ARHGAP42: variants seen among roughly 807,000 people sequenced by gnomAD.
ARHGAP42 encodes Rho GTPase activating protein 42.
ARHGAP42 carries 63 observed loss-of-function variants against 125.0 expected under a neutral mutation model. The ratio of observed to expected loss-of-function variants is 0.50; its 90% CI spans 0.41 to 0.62. The LOEUF is 0.62. ARHGAP42 is among the 20% of genes least tolerant of loss of function. The pLI is 0.00. For synonymous variants in ARHGAP42, 339 were observed against 351.0 expected, an observed-to-expected ratio of 0.97 and a Z score of 0.38; for missense variants, 766 against 1,024.2, an observed-to-expected ratio of 0.75 and a Z score of 3.44.
chr11:100,853,812 CT>C (rs1229963215), intron 3 of ARHGAP42, among the ~76,000 whole-genome samples: 1 of 151,968 alleles, frequency 6.6e-6, no homozygotes, highest in African/African-American at 2.4e-5. Flanking sequence ...CATTTTACCC[CT>C]ATTAACTGCT....
intron 4 of ARHGAP42, among the ~76,000 whole-genome samples, chr11:100,874,932 A>G (rs1865775324): frequency 6.6e-6 from 1 of 152,118 alleles, no homozygotes; most frequent in Non-Finnish European, 1.5e-5. Flanking sequence ...CAGGACTCAG[A>G]TGACTCTGTT....
chr11:100,732,674 G>A (rs1384879920), intron 1 of ARHGAP42, among the ~76,000 whole-genome samples: 3 of 152,130 alleles, frequency 2.0e-5, no homozygotes, highest in Non-Finnish European at 4.4e-5. Flanking sequence ...ACCCTCTGAG[G>A]TGGACACAGG....
intron 1 of ARHGAP42, among the ~76,000 whole-genome samples, chr11:100,749,057 TTATGCTGC>T (rs1378468177): frequency 2.0e-5 from 3 of 152,046 alleles, no homozygotes; most frequent in Non-Finnish European, 4.4e-5. Flanking sequence ...TCCCAGCGGC[TTATGCTGC>T]TGTTCTCCCC....
At chr11:100,918,663 G>T (rs542736641) in intron 5 of ARHGAP42, among the ~76,000 whole-genome samples, 43 of 152,276 alleles carry the variant, frequency 2.8e-4, no homozygotes, top group East Asian at 1.4e-3. Context: ...TTAACTAAAA[G>T]AATGTCTTTC....
intron 3 of ARHGAP42, among the ~76,000 whole-genome samples, chr11:100,850,662 G>A (rs976454325): frequency 1.3e-5 from 2 of 152,076 alleles, no homozygotes; most frequent in African/African-American, 2.4e-5. Context: ...TTTTAAACAT[G>A]TATCTGTTAA....
intron 1 of ARHGAP42, among the ~76,000 whole-genome samples, chr11:100,710,791 G>A (rs1005228833): frequency 6.6e-5 from 10 of 152,000 alleles, no homozygotes; most frequent in South Asian, 6.2e-4. Flanking sequence ...TGCCCGCCTC[G>A]GTCTCCCAAA....
At chr11:100,806,361 C>T (rs570708127) in intron 3 of ARHGAP42, among the ~76,000 whole-genome samples, 6 of 152,158 alleles carry the variant, frequency 3.9e-5, no homozygotes, top group Non-Finnish European at 8.8e-5. Context: ...ATAGGTGATA[C>T]TGATTAATCT....
intron 6 of ARHGAP42, among the ~76,000 whole-genome samples, chr11:100,922,751 A>G (rs1867314405): frequency 6.6e-6 from 1 of 152,190 alleles, no homozygotes; most frequent in African/African-American, 2.4e-5. Context: ...TGGAAAACTG[A>G]GACAGAGCAG....
intron 1 of ARHGAP42, among the ~76,000 whole-genome samples, chr11:100,756,913 A>G (rs2120354156): frequency 6.6e-6 from 1 of 152,356 alleles, no homozygotes; most frequent in East Asian, 1.9e-4. Flanking sequence ...CTTAGTTTTT[A>G]GAATAAAAGA....
chr11:100,720,583 A>G (rs1378915469), intron 1 of ARHGAP42, among the ~76,000 whole-genome samples: 1 of 152,188 alleles, frequency 6.6e-6, no homozygotes, highest in Admixed American at 6.5e-5. Flanking sequence ...AGTGTCTTCA[A>G]GAGTATTTTG....
chr11:100,709,016 A>G (rs922711100), intron 1 of ARHGAP42, among the ~76,000 whole-genome samples: 1 of 151,924 alleles, frequency 6.6e-6, no homozygotes, highest in African/African-American at 2.4e-5. Context: ...TCTTTTTGTG[A>G]TCTGTCAATC....
At chr11:100,817,348 G>T (rs1864291213) in intron 3 of ARHGAP42, among the ~76,000 whole-genome samples, 1 of 152,142 alleles carries the variant, frequency 6.6e-6, no homozygotes, top group South Asian at 2.1e-4. Context: ...TGCCTTTCTA[G>T]TGTATCTAAT....
chr11:100,871,273 C>T (rs1158672564), intron 4 of ARHGAP42, among the ~76,000 whole-genome samples: 1 of 151,882 alleles, frequency 6.6e-6, no homozygotes, highest in Non-Finnish European at 1.5e-5. Flanking sequence ...CAGCCAGGCA[C>T]AGTGGCTCGT....
intron 3 of ARHGAP42, among the ~76,000 whole-genome samples, chr11:100,812,975 C>T (rs190653456): frequency 5.8e-4 from 89 of 152,228 alleles, no homozygotes; most frequent in African/African-American, 1.6e-3. Context: ...TGCTGAGCTC[C>T]CCTTAGGAGG....
chr11:100,777,237 T>G (rs1863151990), intron 2 of ARHGAP42, among the ~76,000 whole-genome samples: 1 of 152,208 alleles, frequency 6.6e-6, no homozygotes, highest in South Asian at 2.1e-4. Flanking sequence ...CTTTACTATG[T>G]CTTCCTGTGC....
intron 4 of ARHGAP42, among the ~76,000 whole-genome samples, chr11:100,874,815 C>G (rs1032280857): frequency 6.6e-6 from 1 of 152,164 alleles, no homozygotes; most frequent in African/African-American, 2.4e-5. Flanking sequence ...GTGAATTCCA[C>G]TGTTATTATC....
intron 1 of ARHGAP42, among the ~76,000 whole-genome samples, chr11:100,769,426 T>C (rs930777768): frequency 2.0e-5 from 3 of 152,154 alleles, no homozygotes; most frequent in Non-Finnish European, 2.9e-5. Context: ...TATTCTGGGC[T>C]TTTCTTTTTC....
intron 4 of ARHGAP42, among the ~76,000 whole-genome samples, chr11:100,902,668 A>G (rs1044526985): frequency 6.6e-6 from 1 of 151,840 alleles, no homozygotes; most frequent in African/African-American, 2.4e-5. Context: ...TGTCCCTTTC[A>G]TGTGCTCAAG....
At chr11:100,845,257 T>C (rs1164343199) in intron 3 of ARHGAP42, among the ~76,000 whole-genome samples, 10 of 152,020 alleles carry the variant, frequency 6.6e-5, no homozygotes, top group African/African-American at 2.4e-4. Flanking sequence ...GAATGGAAAA[T>C]CAAACATCAT....
Sources: gnomAD v4.1 joint callset for allele counts (sites outside exome capture counted in the v4.1 genomes callset) on GRCh38, gnomAD v4.1.1 for gene constraint, MANE v1.5 for transcripts, NCBI Gene and HGNC (gene_info 2026-07-23, HGNC 2026-07-21) for gene names.